Variants in SLC25A13 observed in about 807,000 individuals in gnomAD.
SLC25A13 encodes the protein solute carrier family 25 member 13.
Under a neutral mutation model 85.5 loss-of-function variants are expected in SLC25A13, and 70 were observed. That is an observed-to-expected ratio of 0.82 (90% CI 0.68 to 1.00). SLC25A13 has a LOEUF of 1.00. Among genes scored for constraint, SLC25A13 ranks in the 50% least tolerant of loss-of-function variants. The pLI, the probability that SLC25A13 is intolerant of heterozygous loss-of-function variation, is 0.00. For synonymous variants in SLC25A13, 259 were observed against 288.7 expected, an observed-to-expected ratio of 0.90 and a Z score of 1.04; for missense variants, 765 against 819.8, an observed-to-expected ratio of 0.93 and a Z score of 0.82.
chr7:96,146,411 C>T, intron 14 of SLC25A13, 145 bp downstream of exon 14: 1 of 993,272 alleles, frequency 1.0e-6, no homozygotes, highest in South Asian at 1.5e-5. Context: ...TTCTAATTGG[C>T]ATGAAGGTGC....
intron 3 of SLC25A13, among the ~76,000 whole-genome samples, chr7:96,263,871 A>T (rs1479371689): frequency 6.6e-6 from 1 of 151,946 alleles, no homozygotes; most frequent in Non-Finnish European, 1.5e-5. Flanking sequence ...TCTCAATTTC[A>T]TGCATCTCAC....
At chr7:96,171,865 A>G (rs1339724207) in intron 11 of SLC25A13, among the ~76,000 whole-genome samples, 2 of 152,182 alleles carry the variant, frequency 1.3e-5, no homozygotes, top group African/African-American at 4.8e-5. Flanking sequence ...ACAAGGACCA[A>G]TTTTGGGGAA....
At chr7:96,289,965 C>T (rs1799050659) in intron 2 of SLC25A13, among the ~76,000 whole-genome samples, 1 of 152,130 alleles carries the variant, frequency 6.6e-6, no homozygotes, top group Non-Finnish European at 1.5e-5. Flanking sequence ...CTGTCAGATT[C>T]ACCAAAGTTG....
chr7:96,280,784 A>C (rs1798648775), intron 2 of SLC25A13, among the ~76,000 whole-genome samples: 1 of 152,134 alleles, frequency 6.6e-6, no homozygotes, highest in Non-Finnish European at 1.5e-5. Flanking sequence ...AAGAATAATA[A>C]GTGATGGCAA....
chr7:96,264,563 G>A (rs1247205829), intron 3 of SLC25A13, among the ~76,000 whole-genome samples: 2 of 152,096 alleles, frequency 1.3e-5, no homozygotes, highest in Admixed American at 6.5e-5. Context: ...AATTGTTGAG[G>A]TCCCCACAGA....
chr7:96,139,997 C>T (rs1340445798), intron 14 of SLC25A13, among the ~76,000 whole-genome samples: 7 of 120,508 alleles, frequency 5.8e-5, no homozygotes, highest in Admixed American at 1.1e-4. Context: ...CTCGCTCTGT[C>T]GCCCAGGCTG....
At chr7:96,195,073 A>C (rs1795008488) in intron 5 of SLC25A13, among the ~76,000 whole-genome samples, 1 of 152,162 alleles carries the variant, frequency 6.6e-6, no homozygotes, top group African/African-American at 2.4e-5. Context: ...ATTTCTTAAA[A>C]GCTAAGGCTT....
intron 13 of SLC25A13, among the ~76,000 whole-genome samples, chr7:96,164,968 C>A (rs931864894): frequency 2.0e-5 from 3 of 152,006 alleles, no homozygotes; most frequent in Admixed American, 6.5e-5. Flanking sequence ...TAAATGAGTC[C>A]ATTATCAGAT....
intron 4 of SLC25A13, 137 bp downstream of exon 4, chr7:96,234,665 A>T (rs897591286): frequency 1.5e-6 from 1 of 650,488 alleles, no homozygotes; most frequent in African/African-American, 1.9e-5. Flanking sequence ...AAAACATTGA[A>T]GTATCTTTAC....
chr7:96,226,658 C>T (rs78813201), intron 4 of SLC25A13, among the ~76,000 whole-genome samples: 12,593 of 150,972 alleles, frequency 0.083, 716 homozygotes, highest in South Asian at 0.15. Context: ...AAAAATAACA[C>T]CATAAAAAAG....
chr7:96,171,454 C>G lies in SLC25A13; in HGVS notation c.1230+18G>C, dbSNP rs1793997864. On this transcript the variant is annotated intron_variant, in intron 12 of 17. Transcript: ENST00000265631. Reference sequence around the variant, plus strand: ...GTACAAAATCCCTTAATAAGAAGCACCAACTCAAAAGACTTACTGTAAGTT... The same window carrying G: ...GTACAAAATCCCTTAATAAGAAGCAGCAACTCAAAAGACTTACTGTAAGTT... The G allele has an allele frequency of 5.0e-6, 8 of 1,608,088 alleles. No homozygotes were observed. Among genetic ancestry groups the G allele is most frequent in the African/African-American group, 1.3e-5 (1 of 74,816 alleles).
chr7:96,239,932 AAAG>A (rs1796905870), intron 3 of SLC25A13, among the ~76,000 whole-genome samples: 1 of 152,192 alleles, frequency 6.6e-6, no homozygotes, highest in South Asian at 2.1e-4. Context: ...ATACTGGGCC[AAAG>A]AAGAAAGAGT....
chr7:96,249,830 T>C (rs1160905363), intron 3 of SLC25A13, among the ~76,000 whole-genome samples: 1 of 144,106 alleles, frequency 6.9e-6, no homozygotes, highest in East Asian at 2.0e-4. Context: ...ATCAATATTT[T>C]AATGCTTTTT....
chr7:96,151,121 A>C (rs1793025506), intron 13 of SLC25A13, among the ~76,000 whole-genome samples: 1 of 152,166 alleles, frequency 6.6e-6, no homozygotes, highest in Admixed American at 6.5e-5. Context: ...CAGGCAGAGA[A>C]AGGCACAAAG....
chr7:96,160,853 G>A (rs1793480827), intron 13 of SLC25A13, among the ~76,000 whole-genome samples: 2 of 152,168 alleles, frequency 1.3e-5, no homozygotes, highest in South Asian at 4.1e-4. Flanking sequence ...GGCAAGCAGT[G>A]GAACTCTATT....
At chr7:96,256,645 T>C (rs1207699271) in intron 3 of SLC25A13, among the ~76,000 whole-genome samples, 1 of 152,096 alleles carries the variant, frequency 6.6e-6, no homozygotes, top group South Asian at 2.1e-4. Flanking sequence ...CCACTGTCCA[T>C]ATTAGACAGA....
chr7:96,321,558 G>A (rs1258507675), intron 1 of SLC25A13, among the ~76,000 whole-genome samples: 1 of 152,186 alleles, frequency 6.6e-6, no homozygotes, highest in Non-Finnish European at 1.5e-5. Context: ...CAACCAGCGG[G>A]GTCAGGAGCA....
intron 3 of SLC25A13, among the ~76,000 whole-genome samples, chr7:96,262,444 A>G (rs2116898583): frequency 6.6e-6 from 1 of 152,316 alleles, no homozygotes; most frequent in African/African-American, 2.4e-5. Context: ...TTCTGAGAAT[A>G]TGATACGCAA....
intron 4 of SLC25A13, among the ~76,000 whole-genome samples, chr7:96,221,071 T>G (rs1428493667): frequency 6.6e-6 from 1 of 152,186 alleles, no homozygotes; most frequent in Non-Finnish European, 1.5e-5. Context: ...TCTTAAATTA[T>G]CCCACCAACT....
Sources: gnomAD v4.1 joint callset for allele counts (sites outside exome capture counted in the v4.1 genomes callset) on GRCh38, gnomAD v4.1.1 for gene constraint, MANE v1.5 for transcripts, NCBI Gene and HGNC (gene_info 2026-07-23, HGNC 2026-07-21) for gene names.